Variants in OCIAD1 observed in about 807,000 individuals in gnomAD.
OCIAD1 encodes OCIA domain containing 1, also known as OCIA domain-containing protein 1.
OCIAD1 carries 29 observed loss-of-function variants against 38.9 expected under a neutral mutation model. The ratio of observed to expected loss-of-function variants is 0.74; its 90% CI spans 0.55 to 1.02. The LOEUF is 1.02. Among genes scored for constraint, OCIAD1 ranks in the 50% least tolerant of loss-of-function variants. The probability of loss-of-function intolerance (pLI) is 0.00; values close to 1 mark genes in which losing one functional copy is unlikely to be tolerated. For missense variants in OCIAD1, 288 were observed against 289.6 expected, an observed-to-expected ratio of 0.99 and a Z score of 0.04; for synonymous variants, 110 against 92.0, an observed-to-expected ratio of 1.20 and a Z score of -1.12.
chr4:48,849,195 A>G (rs1579092786), intron 5 of OCIAD1, among the ~76,000 whole-genome samples: 2 of 152,174 alleles, frequency 1.3e-5, no homozygotes, highest in African/African-American at 4.8e-5. Context: ...ACCTAATGTA[A>G]ACGACGAGTT....
intron 2 of OCIAD1, 21 bp downstream of exon 2, chr4:48,832,703 T>G: frequency 6.3e-7 from 1 of 1,580,800 alleles, no homozygotes; most frequent in Non-Finnish European, 8.7e-7. Context: ...ATTAAGTATT[T>G]ATAATTAGAA....
intron 4 of OCIAD1, among the ~76,000 whole-genome samples, chr4:48,846,119 A>T (rs1233446895): frequency 6.6e-6 from 1 of 152,114 alleles, no homozygotes; most frequent in African/African-American, 2.4e-5. Context: ...TCCTGTTAAT[A>T]TCCAGTATGT....
intron 3 of OCIAD1, among the ~76,000 whole-genome samples, chr4:48,840,252 A>T (rs1778399102): frequency 1.3e-5 from 2 of 152,224 alleles, no homozygotes. Flanking sequence ...ATGGCCAGCT[A>T]ACTCATTGCC....
chr4:48,852,475 T>C (rs1779568335), intron 7 of OCIAD1: 1 of 152,376 alleles, frequency 6.6e-6, no homozygotes, highest in Non-Finnish European at 1.5e-5. Flanking sequence ...TTTGTGAAGT[T>C]TGTAAATACT....
upstream of OCIAD1, among the ~76,000 whole-genome samples, chr4:48,826,499 C>T (rs1443031076): frequency 3.3e-5 from 5 of 152,122 alleles, no homozygotes; most frequent in Non-Finnish European, 5.9e-5. Flanking sequence ...TTTTTTATGG[C>T]TGCATAGTAT....
At chr4:48,831,996 T>TA (rs1362056494) in intron 1 of OCIAD1, among the ~76,000 whole-genome samples, 2 of 152,172 alleles carry the variant, frequency 1.3e-5, no homozygotes, top group Admixed American at 1.3e-4. Flanking sequence ...AAGAACCAAA[T>TA]AAAAAATGTA....
At chr4:48,809,906 C>T (rs1777068373) in intron 1 of OCIAD1, among the ~76,000 whole-genome samples, 1 of 152,170 alleles carries the variant, frequency 6.6e-6, no homozygotes, top group Admixed American at 6.5e-5. Flanking sequence ...AAGTACTTAA[C>T]TATATGAGTT....
At chr4:48,806,976 TCA>T (rs1777034937) in intron 1 of OCIAD1, among the ~76,000 whole-genome samples, 1 of 152,068 alleles carries the variant, frequency 6.6e-6, no homozygotes, top group Non-Finnish European at 1.5e-5. Flanking sequence ...CGATCACAGC[TCA>T]CCGCAGCCTC....
chr4:48,831,366 G>C (rs1777471227), intron 1 of OCIAD1, 117 bp downstream of exon 1: 1 of 563,728 alleles, frequency 1.8e-6, no homozygotes, highest in African/African-American at 1.9e-5. Flanking sequence ...AGGGTGGACA[G>C]ATCGCGCTCG....
chr4:48,852,882 G>GTTTTTTTTTTTTGTTTTTT (rs1553901201), intron 7 of OCIAD1, among the ~76,000 whole-genome samples: 3 of 126,334 alleles, frequency 2.4e-5, no homozygotes, highest in African/African-American at 9.5e-5. Flanking sequence ...TTTGTTTTTT[G>GTTTTTTTTTTTTGTTTTTT]TTTTTTTTTT....
chr4:48,823,901 A>G (rs1413200084), intron 1 of OCIAD1, among the ~76,000 whole-genome samples: 2 of 128,824 alleles, frequency 1.6e-5, no homozygotes, highest in African/African-American at 5.9e-5. Flanking sequence ...TCCTGGCCTC[A>G]TGTGATCCTT....
intron 3 of OCIAD1, among the ~76,000 whole-genome samples, chr4:48,840,833 C>CAA (rs1233881090): frequency 3.2e-4 from 15 of 46,318 alleles, no homozygotes; most frequent in Non-Finnish European, 5.2e-4. Context: ...CTCATCTCTA[C>CAA]AAAAAAAAAA....
At chr4:48,840,847 A>G (rs1449038299) in intron 3 of OCIAD1, among the ~76,000 whole-genome samples, 1 of 151,486 alleles carries the variant, frequency 6.6e-6, no homozygotes, top group Non-Finnish European at 1.5e-5. Flanking sequence ...AAAAAAAAAA[A>G]AAAAGAAAAA....
At chr4:48,823,527 G>C (rs1367241652) in intron 1 of OCIAD1, among the ~76,000 whole-genome samples, 15 of 151,206 alleles carry the variant, frequency 9.9e-5, no homozygotes, top group Admixed American at 1.3e-4. Flanking sequence ...ACACCTGCAG[G>C]TTCTCCACAT....
upstream of OCIAD1, among the ~76,000 whole-genome samples, chr4:48,827,768 G>C (rs1777264570): frequency 6.6e-6 from 1 of 152,374 alleles, no homozygotes; most frequent in African/African-American, 2.4e-5. Flanking sequence ...GCTATTGCAG[G>C]CACGTGGCGT....
intron 8 of OCIAD1, among the ~76,000 whole-genome samples, chr4:48,859,449 T>C (rs1254840295): frequency 6.6e-6 from 1 of 152,208 alleles, no homozygotes; most frequent in Non-Finnish European, 1.5e-5. Flanking sequence ...ATTGTCTGCA[T>C]AGCATAGTAC....
At chr4:48,842,581 T>C in intron 3 of OCIAD1, 55 bp from the exon 4 acceptor site, 1 of 1,157,658 alleles carries the variant, frequency 8.6e-7, no homozygotes, top group Non-Finnish European at 1.3e-6. Flanking sequence ...CTAATGAACT[T>C]TAGACAAAAT....
At chr4:48,828,455 C>A (rs1419810059), upstream of OCIAD1, among the ~76,000 whole-genome samples, 2 of 152,150 alleles carry the variant, frequency 1.3e-5, no homozygotes. Context: ...ACTCAGGTCC[C>A]CTTCCACACT....
chr4:48,830,980 G>A (rs1777425905), upstream of OCIAD1: 3 of 158,802 alleles, frequency 1.9e-5, no homozygotes, highest in African/African-American at 7.2e-5. Flanking sequence ...GCAAAGGGAC[G>A]AGTATACGCA....
Sources: allele counts gnomAD v4.1 joint callset (sites outside exome capture counted in the v4.1 genomes callset), GRCh38; gene constraint gnomAD v4.1.1; transcripts MANE v1.5; gene names NCBI Gene and HGNC (gene_info 2026-07-23, HGNC 2026-07-21).